SDK1: variants seen among roughly 807,000 people sequenced by gnomAD.
The protein encoded by SDK1 is sidekick cell adhesion molecule 1.
A neutral mutation model predicts 245.5 loss-of-function variants in SDK1; 157 were observed. That is an observed-to-expected ratio of 0.64 (90% CI 0.56 to 0.73). The LOEUF (loss-of-function observed/expected upper bound fraction) is 0.73. Ranked by LOEUF, SDK1 falls within the 30% of genes least tolerant of loss-of-function variation. The pLI, the probability that SDK1 is intolerant of heterozygous loss-of-function variation, is 0.00. For synonymous variants in SDK1, 1,647 were observed against 1,278.5 expected (o/e 1.29, Z -6.15); for missense variants, 3,583 against 3,002.3 (o/e 1.19, Z -4.52).
intron 42 of SDK1, 122 bp downstream of exon 42, chr7:4,237,906 T>C: frequency 8.5e-7 from 1 of 1,181,512 alleles, no homozygotes; most frequent in Non-Finnish European, 1.2e-6. Context: ...TTGTAGGTGC[T>C]GAGAGAAATG....
At chr7:4,005,103 T>A (rs1168872521) in intron 14 of SDK1, among the ~76,000 whole-genome samples, 1 of 143,200 alleles carries the variant, frequency 7.0e-6, no homozygotes, top group Non-Finnish European at 1.5e-5. Context: ...TGTAGTGCAG[T>A]GGCTTCATCT....
intron 5 of SDK1, among the ~76,000 whole-genome samples, chr7:3,888,375 C>T (rs952209481): frequency 5.9e-5 from 9 of 152,266 alleles, no homozygotes; most frequent in Middle Eastern, 3.4e-3. Context: ...ATGGCTCCTG[C>T]GGAGAGCAAA....
In SDK1 at chr7:3,495,675, T is replaced by C. The variant is rs1222854761; in HGVS notation, c.299-123405T>C. Among the ~76,000 whole-genome samples, 4 of 152,240 alleles carry C rather than the reference T, an allele frequency of 2.6e-5. No individual in the cohort carries two copies. In the East Asian group the frequency reaches 7.7e-4, roughly 29 times the overall value. ...GCTTCCCATAAAGACTGTCACCAAC[T>C]ACTCCGTGTGGTTCCTGCGTCAGTC... On this transcript the variant is annotated intron_variant, in intron 1 of 44. Coordinates refer to ENST00000404826, the MANE Select transcript of SDK1 (RefSeq NM_152744.4).
chr7:3,883,692 C>T (rs533493459), intron 5 of SDK1, among the ~76,000 whole-genome samples: 3 of 142,458 alleles, frequency 2.1e-5, no homozygotes, highest in South Asian at 2.3e-4. Flanking sequence ...CTCGCTCCCT[C>T]GCTCCCTCCC....
intron 5 of SDK1, among the ~76,000 whole-genome samples, chr7:3,941,317 C>G (rs779677195): frequency 6.6e-6 from 1 of 152,078 alleles, no homozygotes; most frequent in Non-Finnish European, 1.5e-5. Context: ...TGCTCCCACC[C>G]GCTCTAGACA....
At position 3,877,700 on chromosome 7, in the gene SDK1, CT is replaced by C. The variant is rs1184461795; in HGVS notation, c.847+56125del. On this transcript the variant is annotated intron_variant, in intron 5 of 44. Coordinates refer to ENST00000404826, the MANE Select transcript of SDK1 (RefSeq NM_152744.4). ...AACTTTTAAAGCATATCTTTTCAAA[CT>C]TTTTTTTCTATGAAAATATGGAGAT... 3.3e-5 allele frequency among the ~76,000 whole-genome samples: 5 copies of C among 152,128 alleles called. No individual in the cohort carries two copies. The South Asian group carries it at 6.2e-4, about 19-fold the overall frequency.
At chr7:3,512,428 G>T (rs1782610660) in intron 1 of SDK1, among the ~76,000 whole-genome samples, 1 of 152,202 alleles carries the variant, frequency 6.6e-6, no homozygotes, top group Non-Finnish European at 1.5e-5. Flanking sequence ...ATAAACATCT[G>T]TGTGCAGGTT....
At chr7:3,823,648 A>G (rs1272172038) in intron 5 of SDK1, among the ~76,000 whole-genome samples, 1 of 152,236 alleles carries the variant, frequency 6.6e-6, no homozygotes, top group Non-Finnish European at 1.5e-5. Context: ...AAATATTATA[A>G]TTAACTGGGT....
At chr7:3,549,409 C>A (rs1161858400) in intron 1 of SDK1, among the ~76,000 whole-genome samples, 15 of 152,152 alleles carry the variant, frequency 9.9e-5, no homozygotes, top group Non-Finnish European at 4.4e-5. Flanking sequence ...ACATAGAATT[C>A]TTTGTGAGTT....
intron 5 of SDK1, among the ~76,000 whole-genome samples, chr7:3,926,113 G>C (rs989916341): frequency 2.6e-5 from 4 of 152,122 alleles, no homozygotes; most frequent in African/African-American, 9.7e-5. Context: ...CCAGCACCTG[G>C]ATAAATCCCT....
At chr7:3,361,447 C>T (rs1462347033) in intron 1 of SDK1, among the ~76,000 whole-genome samples, 1 of 152,212 alleles carries the variant, frequency 6.6e-6, no homozygotes, top group African/African-American at 2.4e-5. Context: ...CCCTTGGCTT[C>T]TCTTCCCTTC....
intron 4 of SDK1, among the ~76,000 whole-genome samples, chr7:3,780,094 G>A (rs1780686881): frequency 6.6e-6 from 1 of 152,182 alleles, no homozygotes; most frequent in African/African-American, 2.4e-5. Flanking sequence ...GTCAACACTT[G>A]GAAACGAGCC....
chr7:3,502,273 A>C (rs1255127947), intron 1 of SDK1, among the ~76,000 whole-genome samples: 1 of 151,902 alleles, frequency 6.6e-6, no homozygotes, highest in African/African-American at 2.4e-5. Flanking sequence ...GTCTTGCTTA[A>C]AGTCTTGCTC....
At chr7:3,431,358 G>GTTT (rs34510123) in intron 1 of SDK1, among the ~76,000 whole-genome samples, 10,157 of 118,070 alleles carry the variant, frequency 0.086, 650 homozygotes, top group African/African-American at 0.18. Context: ...AATGTGGGAG[G>GTTT]TTTTTTTTTT....
At chr7:3,367,663 G>C (rs541172276) in intron 1 of SDK1, among the ~76,000 whole-genome samples, 1 of 152,148 alleles carries the variant, frequency 6.6e-6, no homozygotes, top group Non-Finnish European at 1.5e-5. Context: ...AGCTGAGTTG[G>C]AGTCTAGACC....
chr7:3,567,875 G>A (rs866138816), intron 1 of SDK1, among the ~76,000 whole-genome samples: 14 of 152,286 alleles, frequency 9.2e-5, no homozygotes, highest in African/African-American at 2.9e-4. Context: ...GCAGTGGTGC[G>A]GTCATAGCTC....
intron 4 of SDK1, among the ~76,000 whole-genome samples, chr7:3,813,589 T>C (rs927338498): frequency 6.6e-6 from 1 of 150,952 alleles, no homozygotes; most frequent in Non-Finnish European, 1.5e-5. Flanking sequence ...CATGTGTCTT[T>C]ACAGCAGCAT....
At chr7:3,501,071 C>G in intron 1 of SDK1, among the ~76,000 whole-genome samples, 1 of 152,054 alleles carries the variant, frequency 6.6e-6, no homozygotes. Context: ...TCTTAGATGA[C>G]TGTTCATTGT....
chr7:3,766,360 C>T (rs1780252904), intron 4 of SDK1, among the ~76,000 whole-genome samples: 1 of 152,076 alleles, frequency 6.6e-6, no homozygotes, highest in Non-Finnish European at 1.5e-5. Context: ...ACTTATTTTT[C>T]ACTTCGGGGA....
Sources: gnomAD v4.1 joint callset for allele counts (sites outside exome capture counted in the v4.1 genomes callset) on GRCh38, gnomAD v4.1.1 for gene constraint, MANE v1.5 for transcripts, NCBI Gene and HGNC (gene_info 2026-07-23, HGNC 2026-07-21) for gene names.